The following PTCHD4 variants were observed in gnomAD, a reference collection of about 807,000 sequenced individuals.
The protein encoded by PTCHD4 is patched domain-containing protein 4.
A neutral mutation model predicts 58.1 loss-of-function variants in PTCHD4; 33 were observed. The observed-to-expected ratio is 0.57, with a 90% CI of 0.43 to 0.76. PTCHD4 has a LOEUF of 0.76. Among genes scored for constraint, PTCHD4 ranks in the 30% least tolerant of loss-of-function variants. The probability of loss-of-function intolerance (pLI) is 0.00; values close to 1 mark genes in which losing one functional copy is unlikely to be tolerated. For synonymous variants in PTCHD4, 478 were observed against 409.6 expected (o/e 1.17, Z -2.02); for missense variants, 1,058 against 1,027.1 (o/e 1.03, Z -0.41).
chr6:48,037,237 TTC>T (rs1313002778), intron 3 of PTCHD4, among the ~76,000 whole-genome samples: 2 of 152,170 alleles, frequency 1.3e-5, no homozygotes, highest in African/African-American at 2.4e-5. Context: ...GTTATCATTG[TTC>T]TCTTTTATTA....
chr6:48,084,070 T>C (rs1430379878), intron 1 of PTCHD4, among the ~76,000 whole-genome samples: 2 of 152,176 alleles, frequency 1.3e-5, no homozygotes, highest in African/African-American at 4.8e-5. Flanking sequence ...GGGGTTCGAA[T>C]TTAGCGTTCT....
chr6:48,032,923 C>A (rs994506881), intron 3 of PTCHD4, among the ~76,000 whole-genome samples: 1 of 152,010 alleles, frequency 6.6e-6, no homozygotes, highest in Non-Finnish European at 1.5e-5. Context: ...AAGGTGGAAT[C>A]GGTGTTTGAT....
intron 4 of PTCHD4, among the ~76,000 whole-genome samples, chr6:47,906,177 C>T (rs1246181872): frequency 6.6e-6 from 1 of 152,170 alleles, no homozygotes; most frequent in East Asian, 1.9e-4. Flanking sequence ...CTGTGGAGTC[C>T]CAGCCATTCC....
chr6:48,093,287 G>T (rs1415163922), intron 1 of PTCHD4, among the ~76,000 whole-genome samples: 3 of 152,112 alleles, frequency 2.0e-5, no homozygotes. Context: ...ATCCCCAAAA[G>T]GTGAAGTGAC....
chr6:47,948,840 T>C (rs759694670), intron 4 of PTCHD4, among the ~76,000 whole-genome samples: 5 of 152,198 alleles, frequency 3.3e-5, no homozygotes, highest in South Asian at 2.1e-4. Flanking sequence ...TTTATATTTA[T>C]ACAGTTGTAT....
intron 4 of PTCHD4, among the ~76,000 whole-genome samples, chr6:47,957,953 G>A (rs149015628): frequency 6.6e-6 from 1 of 152,186 alleles, no homozygotes; most frequent in African/African-American, 2.4e-5. Context: ...AGCAAAGTCT[G>A]TCCATTGGAG....
chr6:48,004,819 A>G (rs1178825945), intron 4 of PTCHD4, among the ~76,000 whole-genome samples: 1 of 152,168 alleles, frequency 6.6e-6, no homozygotes, highest in East Asian at 1.9e-4. Flanking sequence ...TGGGAGGCTG[A>G]GGCAGGAGAA....
intron 4 of PTCHD4, among the ~76,000 whole-genome samples, chr6:47,932,049 C>CCT (rs112150275): frequency 0.16 from 24,083 of 152,050 alleles, 2,271 homozygotes; most frequent in African/African-American, 0.27. Context: ...ACTGCTCCTA[C>CCT]AACCTCTGAC....
At chr6:48,070,860 A>G (rs549426555) in intron 1 of PTCHD4, among the ~76,000 whole-genome samples, 7 of 152,224 alleles carry the variant, frequency 4.6e-5, no homozygotes, top group Admixed American at 4.6e-4. Context: ...TACAGCAGAG[A>G]GGAAATGTAT....
At chr6:48,004,442 T>C (rs771103461) in intron 4 of PTCHD4, among the ~76,000 whole-genome samples, 2 of 152,132 alleles carry the variant, frequency 1.3e-5, no homozygotes, top group Admixed American at 6.6e-5. Context: ...TTGGCATCTG[T>C]GTGTAATATT....
chr6:47,895,875 T>C (rs1764514346), intron 4 of PTCHD4, among the ~76,000 whole-genome samples: 1 of 152,104 alleles, frequency 6.6e-6, no homozygotes, highest in African/African-American at 2.4e-5. Context: ...TTACTTTAAC[T>C]TTTACTCAGA....
chr6:47,989,516 G>A (rs1768203942), intron 4 of PTCHD4, among the ~76,000 whole-genome samples: 1 of 152,182 alleles, frequency 6.6e-6, no homozygotes, highest in African/African-American at 2.4e-5. Flanking sequence ...TGTGCTGTGT[G>A]AAGTCTAGGT....
intron 4 of PTCHD4, among the ~76,000 whole-genome samples, chr6:47,982,821 C>A (rs896813429): frequency 6.6e-6 from 1 of 152,136 alleles, no homozygotes; most frequent in Admixed American, 6.5e-5. Context: ...CTACCTAGCA[C>A]AACACCTAGC....
In PTCHD4 at chr6:47,864,573, T is replaced by G. The variant is rs1763509176; in HGVS notation, c.*13730A>C. Among the ~76,000 whole-genome samples the G allele has an allele frequency of 6.6e-6, 1 of 151,924 alleles. No individual in the cohort carries two copies. The highest frequency in any genetic ancestry group is 1.5e-5 in the Non-Finnish European group (1 of 67,908). Reference sequence around the variant, plus strand: ...GCATCGCATAAAGCTACGTGGATGATCAAGCTGCTGTGTGGCCCCATTGCA... The same window carrying G: ...GCATCGCATAAAGCTACGTGGATGAGCAAGCTGCTGTGTGGCCCCATTGCA... On this transcript the variant is annotated 3_prime_UTR_variant, in exon 5 of 5. Coordinates refer to ENST00000339488, the MANE Select transcript of PTCHD4 (RefSeq NM_001384253.1).
chr6:47,940,267 C>A (rs1428794594), intron 4 of PTCHD4, among the ~76,000 whole-genome samples: 1 of 151,298 alleles, frequency 6.6e-6, no homozygotes, highest in Admixed American at 6.6e-5. Flanking sequence ...CTAGCCTGTA[C>A]ATTGAGTTTA....
intron 3 of PTCHD4, among the ~76,000 whole-genome samples, chr6:48,029,194 A>G (rs1247562302): frequency 6.6e-6 from 1 of 152,126 alleles, no homozygotes; most frequent in Non-Finnish European, 1.5e-5. Flanking sequence ...CTTAACCTGA[A>G]CAATTTTAAA....
At position 47,874,923 on chromosome 6, in the gene PTCHD4, AAAATCTTTT is replaced by A. The variant is rs746551313; in HGVS notation, c.*3371_*3379del. Among the ~76,000 whole-genome samples, 3 of 151,782 alleles carry A rather than the reference AAAATCTTTT, an allele frequency of 2.0e-5. No individual in the cohort carries two copies. Among genetic ancestry groups the A allele is most frequent in the Non-Finnish European group, 4.4e-5 (3 of 67,824 alleles). On this transcript the variant is annotated 3_prime_UTR_variant, in exon 5 of 5. Transcript: ENST00000339488. ...GATTACCTTTAACCATAAACGGTAAAAAATCTTTTAGCTGATCTCTCTGTAATTTAGGTG... is the reference window on the plus strand; with the variant it reads ...GATTACCTTTAACCATAAACGGTAAAAGCTGATCTCTCTGTAATTTAGGTG...
intron 4 of PTCHD4, among the ~76,000 whole-genome samples, chr6:48,007,163 C>T (rs959870089): frequency 6.6e-6 from 1 of 152,088 alleles, no homozygotes; most frequent in Non-Finnish European, 1.5e-5. Flanking sequence ...TCATTTGAAC[C>T]TGAGCAAGAG....
At position 47,988,495 on chromosome 6, in the gene PTCHD4, A is replaced by G. The variant is rs554349002; in HGVS notation, c.898+20139T>C. On this transcript the variant is annotated intron_variant, in intron 4 of 4. Transcript: ENST00000339488. ...TAAAAACCTTAGAGACTGTGCTGATATGGTTTGGCTCTCTGTCCCCACCCA... is the reference window on the plus strand; with the variant it reads ...TAAAAACCTTAGAGACTGTGCTGATGTGGTTTGGCTCTCTGTCCCCACCCA... Among the ~76,000 whole-genome samples, 4 of 152,286 alleles carry G rather than the reference A, an allele frequency of 2.6e-5. No individual in the cohort carries two copies. The South Asian group carries it at 8.3e-4, about 32-fold the overall frequency.
Sources: allele counts gnomAD v4.1 joint callset (sites outside exome capture counted in the v4.1 genomes callset), GRCh38; gene constraint gnomAD v4.1.1; transcripts MANE v1.5; gene names NCBI Gene and HGNC (gene_info 2026-07-23, HGNC 2026-07-21).